GRM5: variants seen among roughly 807,000 people sequenced by gnomAD.
GRM5 encodes metabotropic glutamate receptor 5.
A neutral mutation model predicts 83.1 loss-of-function variants in GRM5; 19 were observed. The observed-to-expected ratio is 0.23, with a 90% CI of 0.16 to 0.34. GRM5 has a LOEUF of 0.34. Among genes scored for constraint, GRM5 ranks in the 10% least tolerant of loss-of-function variants. The pLI, the probability that GRM5 is intolerant of heterozygous loss-of-function variation, is 1.00. For missense variants in GRM5, 1,160 were observed against 1,588.3 expected, an observed-to-expected ratio of 0.73 and a Z score of 4.58; for synonymous variants, 675 against 633.6, an observed-to-expected ratio of 1.07 and a Z score of -0.98.
intron 3 of GRM5, among the ~76,000 whole-genome samples, chr11:88,784,911 T>C (rs921659259): frequency 4.9e-4 from 74 of 152,212 alleles, no homozygotes; most frequent in African/African-American, 1.7e-3. Context: ...TATCATGAAA[T>C]ATATTTACAG....
rs1555007953 is a variant in GRM5 at position 88,751,090 on chromosome 11, A to AAT, written c.912-97688_912-97687insAT. ...CAGAAGCCAAAAAAAAAAAAAAAAA[A>AAT]AAAAACAAAGAACAAAATCAGAGTG... On this transcript the variant is annotated intron_variant, in intron 3 of 9. Transcript: ENST00000305447. Among the ~76,000 whole-genome samples the AAT allele has an allele frequency of 2.3e-3, 321 of 140,428 alleles. 1 individual carries two copies. The highest frequency in any genetic ancestry group is 3.8e-3 in the Middle Eastern group (1 of 266). 92.1% of individuals were successfully genotyped at this position (140,428 alleles called of 152,430 possible).
intron 7 of GRM5, among the ~76,000 whole-genome samples, chr11:88,580,282 A>G (rs1943193938): frequency 6.6e-6 from 1 of 152,210 alleles, no homozygotes; most frequent in South Asian, 2.1e-4. Flanking sequence ...TGGACAAGAT[A>G]CTTTACATCA....
chr11:88,984,351 G>A (rs1939624852), intron 2 of GRM5, among the ~76,000 whole-genome samples: 1 of 151,886 alleles, frequency 6.6e-6, no homozygotes, highest in Non-Finnish European at 1.5e-5. Context: ...TGTTACAATT[G>A]CCTATAGTTT....
At chr11:89,037,366 A>T (rs1214102918) in intron 2 of GRM5, among the ~76,000 whole-genome samples, 1 of 151,976 alleles carries the variant, frequency 6.6e-6, no homozygotes, top group East Asian at 1.9e-4. Context: ...TATCCACTCC[A>T]TTGTCCTATC....
intron 3 of GRM5, among the ~76,000 whole-genome samples, chr11:88,781,567 A>C (rs1942977425): frequency 6.6e-6 from 1 of 150,504 alleles, no homozygotes; most frequent in Non-Finnish European, 1.5e-5. Flanking sequence ...CCTGGCTATG[A>C]TTCCAGTCAT....
chr11:88,521,382 A>C (rs1164956925), intron 9 of GRM5, among the ~76,000 whole-genome samples: 1 of 152,072 alleles, frequency 6.6e-6, no homozygotes, highest in Non-Finnish European at 1.5e-5. Context: ...GCACCATTGC[A>C]CTCCAGCCTG....
At chr11:88,958,128 G>A (rs1386522800) in intron 2 of GRM5, among the ~76,000 whole-genome samples, 2 of 151,696 alleles carry the variant, frequency 1.3e-5, no homozygotes, top group Non-Finnish European at 2.9e-5. Context: ...CCAGCCACCA[G>A]AAAGAAGCCT....
At chr11:88,992,275 A>G (rs370935798) in intron 2 of GRM5, among the ~76,000 whole-genome samples, 1 of 152,278 alleles carries the variant, frequency 6.6e-6, no homozygotes, top group South Asian at 2.1e-4. Context: ...ATTTCTCATC[A>G]TCACTGGCCA....
intron 2 of GRM5, among the ~76,000 whole-genome samples, chr11:88,933,340 A>G (rs1937779438): frequency 6.6e-6 from 1 of 151,720 alleles, no homozygotes; most frequent in African/African-American, 2.4e-5. Context: ...GAAAGTACAT[A>G]AGCTGGAGTT....
intron 2 of GRM5, among the ~76,000 whole-genome samples, chr11:88,919,595 T>C (rs1178295630): frequency 6.6e-6 from 1 of 151,738 alleles, no homozygotes; most frequent in Non-Finnish European, 1.5e-5. Context: ...CTGCAGAATA[T>C]ACATTCTTTT....
intron 2 of GRM5, among the ~76,000 whole-genome samples, chr11:88,896,799 CT>C (rs1325093453): frequency 6.6e-6 from 1 of 151,934 alleles, no homozygotes; most frequent in Non-Finnish European, 1.5e-5. Flanking sequence ...TCTTAGACTA[CT>C]GATTCAACTG....
chr11:88,750,055 T>TAATG (rs1409103558), intron 3 of GRM5, among the ~76,000 whole-genome samples: 1 of 152,126 alleles, frequency 6.6e-6, no homozygotes, highest in Non-Finnish European at 1.5e-5. Flanking sequence ...CCAGCTAGCA[T>TAATG]AATGATGATA....
At chr11:89,043,347 C>T (rs1439218663) in intron 2 of GRM5, among the ~76,000 whole-genome samples, 2 of 151,914 alleles carry the variant, frequency 1.3e-5, no homozygotes, top group Non-Finnish European at 2.9e-5. Flanking sequence ...GTATAAAACA[C>T]AATACAATAA....
chr11:88,921,714 C>A (rs1945696434), intron 2 of GRM5, among the ~76,000 whole-genome samples: 1 of 152,026 alleles, frequency 6.6e-6, no homozygotes, highest in Non-Finnish European at 1.5e-5. Flanking sequence ...AGGATGCCTA[C>A]TGTCCCTACT....
chr11:88,702,683 T>A (rs1941062010), intron 3 of GRM5, among the ~76,000 whole-genome samples: 1 of 152,232 alleles, frequency 6.6e-6, no homozygotes, highest in Admixed American at 6.5e-5. Context: ...CTCCAGGACC[T>A]TAGAATGTAA....
At chr11:88,557,310 G>A (rs1015835340) in intron 8 of GRM5, among the ~76,000 whole-genome samples, 15 of 152,130 alleles carry the variant, frequency 9.9e-5, no homozygotes, top group African/African-American at 3.4e-4. Context: ...AGTGTTTACT[G>A]CATAAAGGAT....
intron 2 of GRM5, among the ~76,000 whole-genome samples, chr11:88,993,560 G>T (rs1228799481): frequency 1.3e-5 from 2 of 152,076 alleles, no homozygotes; most frequent in Non-Finnish European, 2.9e-5. Context: ...TCTCAAAATT[G>T]CTTTGGCTAT....
chr11:88,563,734 A>T (rs1282498529), intron 8 of GRM5, among the ~76,000 whole-genome samples: 1 of 152,238 alleles, frequency 6.6e-6, no homozygotes, highest in Non-Finnish European at 1.5e-5. Context: ...GCAATTTAGA[A>T]GAAAATGTAA....
At chr11:88,698,922 A>G (rs936724105) in intron 3 of GRM5, among the ~76,000 whole-genome samples, 3 of 152,190 alleles carry the variant, frequency 2.0e-5, no homozygotes, top group African/African-American at 7.2e-5. Context: ...ATTTACAACC[A>G]TCTTCCTTGA....
Sources: gnomAD v4.1 joint callset for allele counts (sites outside exome capture counted in the v4.1 genomes callset) on GRCh38, gnomAD v4.1.1 for gene constraint, MANE v1.5 for transcripts, NCBI Gene and HGNC (gene_info 2026-07-23, HGNC 2026-07-21) for gene names.